PHACTR2: variants seen among roughly 807,000 people sequenced by gnomAD.
PHACTR2 encodes the protein phosphatase and actin regulator 2.
In PHACTR2, 30 loss-of-function variants were observed where a neutral mutation model predicts 76.0. The observed-to-expected ratio is 0.39, with a 90% CI of 0.30 to 0.54. PHACTR2 has a LOEUF of 0.54. PHACTR2 is among the 20% of genes least tolerant of loss of function. The pLI is 0.61. For synonymous variants in PHACTR2, 292 were observed against 292.5 expected (o/e 1.00, Z 0.02); for missense variants, 696 against 781.1 (o/e 0.89, Z 1.30).
At chr6:143,584,980 TAAAA>T (rs34747367) in intron 1 of PHACTR2, among the ~76,000 whole-genome samples, 1 of 138,520 alleles carries the variant, frequency 7.2e-6, no homozygotes, top group African/African-American at 2.7e-5. Flanking sequence ...CTACCCAGAT[TAAAA>T]AAAAAAAAAA....
chr6:143,743,299 A>C lies in PHACTR2; in HGVS notation c.215-5686A>C, dbSNP rs1369024028. 6.6e-6 allele frequency among the ~76,000 whole-genome samples: 1 copy of C among 152,218 alleles called. No individual in the cohort carries two copies. The highest frequency in any genetic ancestry group is 1.5e-5 in the Non-Finnish European group (1 of 68,036). On this transcript the variant is annotated intron_variant, in intron 2 of 12. Transcript: ENST00000440869. This position sits in a 1 kb window ranked among gnomAD's most constrained non-coding sequence, Gnocchi z 5.0. ...AGTTTGACTTTAACACCAGGCTTGC[A>C]AAAAAGAGATGGAAGGAAAGTGATG... is the stretch of plus-strand genomic sequence containing the variant.
chr6:143,773,868 C>T (rs759705020), intron 7 of PHACTR2, among the ~76,000 whole-genome samples, 191 bp from the exon 8 acceptor site: 2 of 152,062 alleles, frequency 1.3e-5, no homozygotes, highest in East Asian at 1.9e-4. Context: ...AAAGAAATAG[C>T]GCTTCAGTCC....
In PHACTR2 at chr6:143,696,417, C is replaced by A. The variant is rs1777770362; in HGVS notation, c.47-15599C>A. 6.6e-6 allele frequency among the ~76,000 whole-genome samples: 1 copy of A among 152,114 alleles called. No individual in the cohort carries two copies. Among genetic ancestry groups the A allele is most frequent in the East Asian group, 1.9e-4 (1 of 5,190 alleles). On this transcript the variant is annotated intron_variant, in intron 1 of 12. Transcript: ENST00000440869. The surrounding 1 kb of genome is among the most constrained non-coding windows in gnomAD (Gnocchi z 4.1). ...CCCAATTGCTCCAAATCATAAATAA[C>A]CCACTCTCCATTTTTATTCCCCACA...
chr6:143,605,678 T>G (rs1210233886), upstream of PHACTR2, among the ~76,000 whole-genome samples: 1 of 152,172 alleles, frequency 6.6e-6, no homozygotes, highest in Admixed American at 6.5e-5. This position sits in a 1 kb window ranked among gnomAD's most constrained non-coding sequence, Gnocchi z 5.0. Flanking sequence ...ATTTTCTGAT[T>G]TCTAGACATT....
At position 143,822,557 on chromosome 6, in the gene PHACTR2, A is replaced by G. The variant is rs1296921785; in HGVS notation, c.1923-1117A>G. Among the ~76,000 whole-genome samples the G allele has an allele frequency of 6.6e-6, 1 of 152,194 alleles. No individual in the cohort carries two copies. The highest frequency in any genetic ancestry group is 2.4e-5 in the African/African-American group (1 of 41,450). ...CAAGAACTGAAATGATGGAACCAGTATTTTTAAGGATAGTGTGAGCAACAG... is the reference window on the plus strand; with the variant it reads ...CAAGAACTGAAATGATGGAACCAGTGTTTTTAAGGATAGTGTGAGCAACAG... On this transcript the variant is annotated intron_variant, in intron 12 of 12. Coordinates refer to ENST00000440869, the MANE Select transcript of PHACTR2 (RefSeq NM_001100164.2). The surrounding 1 kb of genome is among the most constrained non-coding windows in gnomAD (Gnocchi z 5.5).
rs916176464 is a variant in PHACTR2 at position 143,617,429 on chromosome 6, T to C, written c.13+9107T>C. Among the ~76,000 whole-genome samples, 3 of 152,234 alleles carry C rather than the reference T, an allele frequency of 2.0e-5. No individual in the cohort carries two copies. The highest frequency in any genetic ancestry group is 2.9e-5 in the Non-Finnish European group (2 of 68,038). On this transcript the variant is annotated intron_variant, in intron 1 of 11. Coordinates refer to the PHACTR2 transcript ENST00000305766. The surrounding 1 kb of genome is among the most constrained non-coding windows in gnomAD (Gnocchi z 4.8). Reference sequence around the variant, plus strand: ...TAGAGTGGTCATTCTCAACTCTAGCTACTCATTAGAATCCCCTGGAAATCT... The same window carrying C: ...TAGAGTGGTCATTCTCAACTCTAGCCACTCATTAGAATCCCCTGGAAATCT...
At chr6:143,569,554 T>C (rs1220816666) in intron 1 of PHACTR2, among the ~76,000 whole-genome samples, 4 of 152,194 alleles carry the variant, frequency 2.6e-5, no homozygotes, top group Non-Finnish European at 5.9e-5. Context: ...GGGGAGTACA[T>C]CCTGAAAATT....
Position 143,608,335 on chromosome 6 carries a change from A to G in PHACTR2, c.13+13A>G. On this transcript the variant is annotated intron_variant, in intron 1 of 11. Coordinates refer to the PHACTR2 transcript ENST00000305766. This position sits in a 1 kb window ranked among gnomAD's most constrained non-coding sequence, Gnocchi z 4.6. ...ATGGACAACGCCGGTGGGTAAATCA[A>G]GCATGAATTCTTCATAGCTGCTGGC... 6.2e-7 allele frequency: 1 copy of G among 1,613,998 alleles called. No individual in the cohort carries two copies. The highest frequency in any genetic ancestry group is 8.5e-7 in the Non-Finnish European group (1 of 1,179,870).
At chr6:143,814,337 C>G (rs1221334830) in intron 12 of PHACTR2, among the ~76,000 whole-genome samples, 1 of 152,046 alleles carries the variant, frequency 6.6e-6, no homozygotes, top group Admixed American at 6.6e-5. Flanking sequence ...GAGAATCTGT[C>G]TCGAAAATAG....
Position 143,610,588 on chromosome 6 carries a change from A to G in PHACTR2, c.13+2266A>G, listed in dbSNP as rs1775960023. On this transcript the variant is annotated intron_variant, in intron 1 of 11. Transcript: ENST00000305766. The surrounding 1 kb of genome is among the most constrained non-coding windows in gnomAD (Gnocchi z 4.9). ...TGTCCCTCATTTATTCAAGTCACAT[A>G]GAACGCTGCATCAGGATATTTGTGC... is the stretch of plus-strand genomic sequence containing the variant. Among the ~76,000 whole-genome samples, 1 of 152,226 alleles carries G rather than the reference A, an allele frequency of 6.6e-6. No individual in the cohort carries two copies. The highest frequency in any genetic ancestry group is 1.5e-5 in the Non-Finnish European group (1 of 68,046).
rs1172472453 is a variant in PHACTR2 at position 143,611,854 on chromosome 6, A to C, written c.13+3532A>C. ...AATTTATGTGGGTGGTGCAATGGGC[A>C]TGGGGTTGGGGGATGCATTGGATAT... On this transcript the variant is annotated intron_variant, in intron 1 of 11. Coordinates refer to the PHACTR2 transcript ENST00000305766. The surrounding 1 kb of genome is among the most constrained non-coding windows in gnomAD (Gnocchi z 4.4). 6.6e-6 allele frequency among the ~76,000 whole-genome samples: 1 copy of C among 152,154 alleles called. No homozygotes were observed. The highest frequency in any genetic ancestry group is 1.5e-5 in the Non-Finnish European group (1 of 68,020).
chr6:143,587,299 C>T (rs1252270516), intron 1 of PHACTR2, among the ~76,000 whole-genome samples: 1 of 152,204 alleles, frequency 6.6e-6, no homozygotes, highest in East Asian at 1.9e-4. Context: ...ACGATGTTAA[C>T]ATCAGGCATA....
rs1776819619 is a variant in PHACTR2, at chr6:143,654,756, A to T, written c.13+46434A>T. On this transcript the variant is annotated intron_variant, in intron 1 of 11. Transcript: ENST00000305766. This position sits in a 1 kb window ranked among gnomAD's most constrained non-coding sequence, Gnocchi z 4.6. ...GAGTTCAAGGCTGCAGTGAGCAATG[A>T]TCATGCCACCACACTCCCGCCTAGG... 1.3e-5 allele frequency among the ~76,000 whole-genome samples: 2 copies of T among 152,156 alleles called. No homozygotes were observed. Among genetic ancestry groups the T allele is most frequent in the African/African-American group, 4.8e-5 (2 of 41,436 alleles).
At chr6:143,748,458 G>A (rs987732937) in intron 2 of PHACTR2, among the ~76,000 whole-genome samples, 1 of 152,196 alleles carries the variant, frequency 6.6e-6, no homozygotes, top group Non-Finnish European at 1.5e-5. Context: ...TAGTGAGAAC[G>A]CAGGGGAAAG....
In PHACTR2 at chr6:143,654,068, T is replaced by C. The variant is rs914689737; in HGVS notation, c.13+45746T>C. Among the ~76,000 whole-genome samples, 9 of 152,176 alleles carry C rather than the reference T, an allele frequency of 5.9e-5. No individual in the cohort carries two copies. The highest frequency in any genetic ancestry group is 2.2e-4 in the African/African-American group (9 of 41,446). ...GGCAAAGGATTTGAAAAGACATTTC[T>C]CCAAAGAAGATATTCAGATATCTAA... is the stretch of plus-strand genomic sequence containing the variant. On this transcript the variant is annotated intron_variant, in intron 1 of 11. Transcript: ENST00000305766. The surrounding 1 kb of genome is among the most constrained non-coding windows in gnomAD (Gnocchi z 4.6).
chr6:143,785,213 T>G (rs1775526084), intron 10 of PHACTR2, among the ~76,000 whole-genome samples: 1 of 152,054 alleles, frequency 6.6e-6, no homozygotes, highest in South Asian at 2.1e-4. Context: ...AGGCATTGGG[T>G]AAATACAGCT....
Position 143,602,247 on chromosome 6 carries a change from A to G in PHACTR2, c.217+65040A>G, listed in dbSNP as rs1293485887. On this transcript the variant is annotated intron_variant, in intron 1 of 11. Coordinates refer to the PHACTR2 transcript ENST00000367584. This position sits in a 1 kb window ranked among gnomAD's most constrained non-coding sequence, Gnocchi z 6.1. ...GGTTTTCTAATGACATCTTGAGGAA[A>G]TTTCTGCTCAATTTTGAGGGCATAC... Among the ~76,000 whole-genome samples the G allele has an allele frequency of 6.6e-6, 1 of 152,050 alleles. No homozygotes were observed. Among genetic ancestry groups the G allele is most frequent in the Non-Finnish European group, 1.5e-5 (1 of 68,024 alleles).
At chr6:143,670,843 C>T (rs904557112) in intron 1 of PHACTR2, among the ~76,000 whole-genome samples, 1 of 152,116 alleles carries the variant, frequency 6.6e-6, no homozygotes, top group African/African-American at 2.4e-5. Context: ...CTACTTCTAT[C>T]AATTCATCAA....
intron 1 of PHACTR2, among the ~76,000 whole-genome samples, chr6:143,559,437 T>G (rs763910521): frequency 6.6e-6 from 1 of 152,136 alleles, no homozygotes; most frequent in Non-Finnish European, 1.5e-5. Flanking sequence ...ATTTATTAGT[T>G]TGTGATGCTA....
Sources: allele counts gnomAD v4.1 joint callset (sites outside exome capture counted in the v4.1 genomes callset), GRCh38; gene constraint gnomAD v4.1.1; non-coding constraint Gnocchi (gnomAD v3.1); transcripts MANE v1.5; gene names NCBI Gene and HGNC (gene_info 2026-07-23, HGNC 2026-07-21).